The following TDRD9 variants were observed in gnomAD, a reference collection of about 807,000 sequenced individuals.
TDRD9 encodes tudor domain containing 9, also known as ATP-dependent RNA helicase TDRD9.
In TDRD9, 124 loss-of-function variants were observed where a neutral mutation model predicts 172.6. The ratio of observed to expected loss-of-function variants is 0.72; its 90% CI spans 0.62 to 0.83. The LOEUF (loss-of-function observed/expected upper bound fraction) is 0.83, where lower values mean the gene tolerates loss of function less well. TDRD9 is among the 40% of genes least tolerant of loss of function. TDRD9 has a pLI of 0.00. For missense variants in TDRD9, 1,479 were observed against 1,714.1 expected, an observed-to-expected ratio of 0.86 and a Z score of 2.42; for synonymous variants, 619 against 617.1, an observed-to-expected ratio of 1.00 and a Z score of -0.05.
At chr14:103,994,424 A>AT in intron 10 of TDRD9, 38 bp downstream of exon 10, 1 of 1,607,120 alleles carries the variant, frequency 6.2e-7, no homozygotes, top group Non-Finnish European at 8.5e-7. Flanking sequence ...CTTCTAAGCC[A>AT]TTGCATTGTT....
intron 30 of TDRD9, among the ~76,000 whole-genome samples, chr14:104,033,658 C>T (rs577775695): frequency 2.0e-5 from 3 of 151,994 alleles, no homozygotes; most frequent in South Asian, 2.1e-4. Flanking sequence ...CAGAGGGTCT[C>T]GAGTGGAGGT....
intron 33 of TDRD9, 43 bp from the exon 34 acceptor site, chr14:104,042,026 A>G (rs758220749): frequency 4.1e-5 from 51 of 1,244,766 alleles, no homozygotes; most frequent in Non-Finnish European, 6.0e-5. Flanking sequence ...AAATTCAGTT[A>G]CGACGGAGCC....
intron 19 of TDRD9, among the ~76,000 whole-genome samples, chr14:104,007,533 G>A (rs962028296): frequency 6.6e-6 from 1 of 152,112 alleles, no homozygotes; most frequent in Admixed American, 6.6e-5. Context: ...GTACTGGGTT[G>A]GACGTGTCAG....
intron 23 of TDRD9, among the ~76,000 whole-genome samples, chr14:104,020,201 C>T (rs1253642569): frequency 3.3e-5 from 5 of 152,022 alleles, no homozygotes; most frequent in African/African-American, 9.7e-5. Flanking sequence ...GTGGTCTGTC[C>T]GGAACTGTGT....
At chr14:103,988,694 C>CTTT (rs34511631) in intron 8 of TDRD9, among the ~76,000 whole-genome samples, 1 of 126,852 alleles carries the variant, frequency 7.9e-6, no homozygotes, top group Admixed American at 8.0e-5. Flanking sequence ...TAGCATTTTA[C>CTTT]TTTTTTTTTT....
At chr14:104,027,184 A>C (rs2035149942) in intron 28 of TDRD9, among the ~76,000 whole-genome samples, 1 of 152,020 alleles carries the variant, frequency 6.6e-6, no homozygotes, top group Non-Finnish European at 1.5e-5. Context: ...TCTCCTATTT[A>C]GCTTATTTTT....
chr14:103,945,526 G>A (rs2031512685), intron 1 of TDRD9: 1 of 152,180 alleles, frequency 6.6e-6, no homozygotes, highest in South Asian at 2.1e-4. Context: ...GTAAGCAAAG[G>A]TAAGGAAGTA....
At chr14:103,962,074 A>G (rs75042722) in intron 2 of TDRD9, among the ~76,000 whole-genome samples, 4,356 of 152,316 alleles carry the variant, frequency 0.029, 131 homozygotes, top group African/African-American at 0.075. Context: ...AGTGATGACC[A>G]GAGGTTTAGA....
rs1373499564 is a variant in TDRD9, at chr14:103,928,664, C to T, written c.155C>T (p.Pro52Leu). 5.6e-6 allele frequency: 7 copies of T among 1,240,544 alleles called. No individual in the cohort carries two copies. Among genetic ancestry groups the T allele is most frequent in the Non-Finnish European group, 7.1e-6 (7 of 981,140 alleles). The allele number at this position is 1,240,544 out of a possible 1,614,324, so 76.8% of individuals were successfully genotyped here. The change falls in exon 1 of 36, where the codon CCC becomes CTC. Residue 52 changes from proline to leucine, a missense_variant. Coordinates refer to ENST00000409874, the MANE Select transcript of TDRD9 (RefSeq NM_153046.3). ...CAGGACGTGGCCCCCGGCGCTGGTCCCGCGGCCCAGGCTCCGGCTCTGGCC... is the reference window on the plus strand; with the variant it reads ...CAGGACGTGGCCCCCGGCGCTGGTCTCGCGGCCCAGGCTCCGGCTCTGGCC... The part of the protein sequence containing the change: ...QRQDVAPGAG[P>L]AAQAPALAQA...
At chr14:103,941,776 A>G (rs2031251640) in intron 1 of TDRD9, 8 of 1,186,818 alleles carry the variant, frequency 6.7e-6, no homozygotes, top group South Asian at 6.6e-5. Context: ...TTTCTTTACA[A>G]TAAATTTGCC....
chr14:103,956,102 AAAAAAAAAAATATATATATATATATAT>A (rs1357561291), intron 2 of TDRD9, among the ~76,000 whole-genome samples: 14 of 57,280 alleles, frequency 2.4e-4, no homozygotes, highest in African/African-American at 1.0e-3. Flanking sequence ...AAAAAAAAAA[AAAAAAAAAAATATATATATATATATAT>A]ATATATATAT....
chr14:103,995,712 T>C, intron 11 of TDRD9, 38 bp from the exon 12 acceptor site: 1 of 1,548,982 alleles, frequency 6.5e-7, no homozygotes, highest in Non-Finnish European at 8.7e-7. Flanking sequence ...GTTCGGAATA[T>C]AGTAGGAATG....
intron 5 of TDRD9, among the ~76,000 whole-genome samples, chr14:103,968,802 A>AAAAAAAAAAAAAAAAAAAAAAAAAAT (rs2032880484): frequency 7.9e-6 from 1 of 126,826 alleles, no homozygotes. Flanking sequence ...TCTCAAAAAA[A>AAAAAAAAAAAAAAAAAAAAAAAAAAT]AAGAATAAAG....
chr14:103,957,605 G>A (rs1448413836), intron 2 of TDRD9, among the ~76,000 whole-genome samples: 1 of 152,198 alleles, frequency 6.6e-6, no homozygotes, highest in African/African-American at 2.4e-5. Flanking sequence ...TTGGTCTTTT[G>A]TACAAAGGAA....
rs2035128943 is a variant in TDRD9 at position 104,026,674 on chromosome 14, T to C, written c.3022-5T>C. 1 of 1,613,880 alleles carries C rather than the reference T, an allele frequency of 6.2e-7. No homozygotes were observed. The highest frequency in any genetic ancestry group is 8.5e-7 in the Non-Finnish European group (1 of 1,179,782). ...TGTTTGAGCTGTGCCCTTCTGTCCTTGTAGGCTTTGGAATTTAAGATTTGC... is the reference window on the plus strand; with the variant it reads ...TGTTTGAGCTGTGCCCTTCTGTCCTCGTAGGCTTTGGAATTTAAGATTTGC... On this transcript the variant is annotated splice_region_variant and splice_polypyrimidine_tract_variant and intron_variant, in intron 27 of 35. Coordinates refer to ENST00000409874, the MANE Select transcript of TDRD9 (RefSeq NM_153046.3).
At chr14:103,937,487 C>A (rs2030845132) in intron 1 of TDRD9, among the ~76,000 whole-genome samples, 1 of 152,192 alleles carries the variant, frequency 6.6e-6, no homozygotes, top group African/African-American at 2.4e-5. Flanking sequence ...CTTTCCCAGT[C>A]TCTCTAGTCT....
At position 103,963,150 on chromosome 14, in the gene TDRD9, T is replaced by A. The variant is rs761563443; in HGVS notation, c.394T>A (p.Leu132Met). 26 of 1,549,252 alleles carry A rather than the reference T, an allele frequency of 1.7e-5. No homozygotes were observed. Among genetic ancestry groups the A allele is most frequent in the Non-Finnish European group, 2.2e-5 (25 of 1,145,660 alleles). ...AGGGACAACTTATAAATATCCTGATTTGCCTATAAGTCGATACAAGGAAGA... is the reference window on the plus strand; with the variant it reads ...AGGGACAACTTATAAATATCCTGATATGCCTATAAGTCGATACAAGGAAGA... ...IPGTTYKYPD[L>M]PISRYKEEVV... Residue 132 changes from leucine (L) to methionine (M), a missense_variant, in exon 3 of 36, where the codon TTG becomes ATG. Around this residue, in one of 3 missense-constraint regions of TDRD9, gnomAD observed 1,413 missense variants for 1,649.1 expected, o/e 0.86. Transcript: ENST00000409874.
Position 104,021,736 on chromosome 14 carries a change from A to T in TDRD9, c.2433-421A>T, listed in dbSNP as rs2034962334. On this transcript the variant is annotated intron_variant, in intron 23 of 35. Transcript: ENST00000409874. ...AAATTTAATGCTTTTTTTGAAGGGGAATTACAAAGATCACTGAGCTATATA... is the reference window on the plus strand; with the variant it reads ...AAATTTAATGCTTTTTTTGAAGGGGTATTACAAAGATCACTGAGCTATATA... Among the ~76,000 whole-genome samples, 5 of 152,106 alleles carry T rather than the reference A, an allele frequency of 3.3e-5. No individual in the cohort carries two copies. In the South Asian group the frequency reaches 1.0e-3, roughly 32 times the overall value.
chr14:103,968,784 A>C (rs1241515964), intron 5 of TDRD9, among the ~76,000 whole-genome samples: 4 of 125,956 alleles, frequency 3.2e-5, no homozygotes, highest in African/African-American at 1.3e-4. Flanking sequence ...CGACAGAGTG[A>C]GACTCTGTCT....
Sources: gnomAD v4.1 joint callset for allele counts (sites outside exome capture counted in the v4.1 genomes callset) on GRCh38, gnomAD v4.1.1 for gene constraint, gnomAD v4.1.1 regional missense constraint, MANE v1.5 for transcripts, NCBI Gene and HGNC (gene_info 2026-07-23, HGNC 2026-07-21) for gene names.